Variants in DMD observed in about 807,000 individuals in gnomAD.
The protein encoded by DMD is mutant dystrophin.
DMD carries 63 observed loss-of-function variants against 330.1 expected under a neutral mutation model. That is an observed-to-expected ratio of 0.19 (90% CI 0.16 to 0.24). The LOEUF (loss-of-function observed/expected upper bound fraction) is 0.24. Among genes scored for constraint, DMD ranks in the 10% least tolerant of loss-of-function variants. The pLI is 1.00. For synonymous variants in DMD, 1,223 were observed against 959.8 expected (o/e 1.27, Z -5.07); for missense variants, 3,344 against 2,684.1 (o/e 1.25, Z -5.43).
intron 9 of DMD, among the ~76,000 whole-genome samples, chrX:32,670,919 A>C: frequency 9.0e-6 from 1 of 110,745 alleles, no homozygotes; most frequent in Non-Finnish European, 1.9e-5. Context: ...TGTACTTCTA[A>C]ACAGTGAGGA....
chrX:31,146,214 G>A, intron 76 of DMD, 77 bp downstream of exon 76: 2 of 1,119,415 alleles, frequency 1.8e-6, no homozygotes, highest in Non-Finnish European at 2.5e-6. Context: ...AACACTTACG[G>A]CCAAATATTC....
chrX:32,277,447 C>T (rs2097394804), intron 43 of DMD, among the ~76,000 whole-genome samples: 1 of 111,614 alleles, frequency 9.0e-6, no homozygotes, highest in African/African-American at 3.3e-5. Flanking sequence ...TAACATTGGA[C>T]TTAATCTGCA....
intron 52 of DMD, among the ~76,000 whole-genome samples, chrX:31,697,661 G>A (rs762146392): frequency 4.5e-5 from 5 of 112,096 alleles, no homozygotes; most frequent in Non-Finnish European, 7.5e-5. Context: ...ATACATTCTT[G>A]ACTGATATAA....
At chrX:32,613,440 CA>C (rs201709548) in intron 12 of DMD, among the ~76,000 whole-genome samples, 171 of 105,505 alleles carry the variant, frequency 1.6e-3, no homozygotes, top group Non-Finnish European at 2.8e-3. Flanking sequence ...ATAACAGAAA[CA>C]AAAAAAAATG....
At chrX:33,235,458 A>G (rs77389143) in intron 1 of DMD, among the ~76,000 whole-genome samples, 8 of 112,240 alleles carry the variant, frequency 7.1e-5, no homozygotes, top group African/African-American at 2.6e-4. Flanking sequence ...TCTAAAATCA[A>G]TATGTCTTAA....
intron 1 of DMD, among the ~76,000 whole-genome samples, chrX:33,267,993 A>ATTTTT (rs527255488): frequency 1.0e-5 from 1 of 98,349 alleles, no homozygotes; most frequent in African/African-American, 3.8e-5. Flanking sequence ...GGCATTGGCA[A>ATTTTT]TTTTTTTTTT....
intron 41 of DMD, among the ~76,000 whole-genome samples, chrX:32,338,940 A>G (rs1050850001): frequency 8.9e-6 from 1 of 111,986 alleles, no homozygotes; most frequent in African/African-American, 3.2e-5. Context: ...ACTGAACGAG[A>G]TATCTGTTGT....
At chrX:32,360,800 AAATAATAATAAT>A (rs199527400) in intron 37 of DMD, among the ~76,000 whole-genome samples, 2 of 95,953 alleles carry the variant, frequency 2.1e-5, no homozygotes, top group Non-Finnish European at 4.1e-5. Context: ...CACACACACA[AAATAATAATAAT>A]AATAATAATA....
intron 67 of DMD, among the ~76,000 whole-genome samples, chrX:31,190,431 G>C (rs191134452): frequency 3.4e-3 from 373 of 109,156 alleles, no homozygotes; most frequent in African/African-American, 0.011. Context: ...TTCTTGTGGG[G>C]CGATTTTAGA....
intron 1 of DMD, among the ~76,000 whole-genome samples, chrX:33,205,973 T>C (rs1371292461): frequency 4.5e-5 from 5 of 111,802 alleles, no homozygotes; most frequent in Non-Finnish European, 9.4e-5. Flanking sequence ...TTTAAAATTA[T>C]CTTAATCCTC....
intron 61 of DMD, among the ~76,000 whole-genome samples, chrX:31,338,943 C>CAAAAAAAAAA (rs151110457): frequency 4.7e-5 from 3 of 64,169 alleles, no homozygotes; most frequent in African/African-American, 5.8e-5. Flanking sequence ...CATCTATGCA[C>CAAAAAAAAAA]AAAAAAAAAA....
At chrX:32,610,658 A>G (rs754230606) in intron 12 of DMD, among the ~76,000 whole-genome samples, 5 of 111,553 alleles carry the variant, frequency 4.5e-5, no homozygotes, top group Non-Finnish European at 7.6e-5. Context: ...TAAAATCTGT[A>G]TCTTTTCTTT....
At chrX:32,524,323 T>C (rs771657294) in intron 17 of DMD, among the ~76,000 whole-genome samples, 8 of 112,061 alleles carry the variant, frequency 7.1e-5, no homozygotes, top group South Asian at 3.7e-4. Context: ...AAATGTCTCC[T>C]TTTTTTCCCC....
intron 55 of DMD, among the ~76,000 whole-genome samples, chrX:31,524,910 C>G (rs1037374287): frequency 6.2e-5 from 7 of 112,010 alleles, no homozygotes; most frequent in Middle Eastern, 4.6e-3. Flanking sequence ...TGAAAAACTG[C>G]CTGGTGCCTG....
At chrX:31,611,025 T>C (rs1056095995) in intron 55 of DMD, among the ~76,000 whole-genome samples, 1 of 110,433 alleles carries the variant, frequency 9.1e-6, no homozygotes, top group Non-Finnish European at 1.9e-5. Context: ...AAGCAGGAAG[T>C]ATTATTTTCT....
intron 15 of DMD, among the ~76,000 whole-genome samples, chrX:32,572,820 G>A (rs953206837): frequency 4.5e-5 from 5 of 110,939 alleles, no homozygotes; most frequent in East Asian, 5.6e-4. Flanking sequence ...TCATGAGGGC[G>A]GATGTCTCAT....
chrX:31,709,654 T>C (rs1221386412), intron 52 of DMD, among the ~76,000 whole-genome samples: 1 of 108,857 alleles, frequency 9.2e-6, no homozygotes, highest in Non-Finnish European at 1.9e-5. Flanking sequence ...GGGGTCCTTA[T>C]TTCATTTAAG....
At chrX:32,645,333 T>G (rs960599287) in intron 9 of DMD, among the ~76,000 whole-genome samples, 181 bp from the exon 10 acceptor site, 1 of 112,011 alleles carries the variant, frequency 8.9e-6, no homozygotes, top group Non-Finnish European at 1.9e-5. Flanking sequence ...CATGCATACA[T>G]CAATTTTCAA....
intron 2 of DMD, among the ~76,000 whole-genome samples, chrX:32,901,441 T>C (rs2086234985): frequency 9.1e-6 from 1 of 109,364 alleles, no homozygotes; most frequent in African/African-American, 3.6e-5. Context: ...CAATTTGCTA[T>C]TGAGAACTCT....
Sources: gnomAD v4.1 joint callset for allele counts (sites outside exome capture counted in the v4.1 genomes callset) on GRCh38, gnomAD v4.1.1 for gene constraint, MANE v1.5 for transcripts, NCBI Gene and HGNC (gene_info 2026-07-23, HGNC 2026-07-21) for gene names.